The following RIMS2 variants were observed in gnomAD, a reference collection of about 807,000 sequenced individuals.
RIMS2 encodes regulating synaptic membrane exocytosis 2.
In RIMS2, 59 loss-of-function variants were observed where a neutral mutation model predicts 174.4. The ratio of observed to expected loss-of-function variants is 0.34; its 90% CI spans 0.27 to 0.42. The LOEUF (loss-of-function observed/expected upper bound fraction) is 0.42. RIMS2 is among the 10% of genes least tolerant of loss of function. The pLI is 1.00. For synonymous variants in RIMS2, 606 were observed against 572.5 expected (o/e 1.06, Z -0.84); for missense variants, 1,620 against 1,666.3 (o/e 0.97, Z 0.48).
At position 104,135,349 on chromosome 8, in the gene RIMS2, C is replaced by A. The variant is rs542799639; in HGVS notation, c.3335-109567C>A. On this transcript the variant is annotated intron_variant, in intron 19 of 23. Coordinates refer to ENST00000504942, the Ensembl canonical transcript of RIMS2. ...TGGTGGTTCATGCCTGTAATCCCAG[C>A]ACTTTGGGAGGCCAAGGCAGGCAGA... Among the ~76,000 whole-genome samples the A allele has an allele frequency of 3.3e-5, 5 of 152,144 alleles. No homozygotes were observed. The East Asian group carries it at 9.7e-4, about 29-fold the overall frequency.
At chr8:104,145,478 C>T (rs1329729349) in intron 19 of RIMS2, among the ~76,000 whole-genome samples, 1 of 151,396 alleles carries the variant, frequency 6.6e-6, no homozygotes, top group Admixed American at 6.6e-5. Context: ...AATCAAGACT[C>T]CCAAAACTTT....
At chr8:103,752,419 G>A (rs2097905594) in intron 2 of RIMS2, among the ~76,000 whole-genome samples, 1 of 152,116 alleles carries the variant, frequency 6.6e-6, no homozygotes, top group Admixed American at 6.5e-5. Context: ...GCTTAGGATT[G>A]ACTTGGCGAT....
intron 1 of RIMS2, among the ~76,000 whole-genome samples, chr8:103,592,299 A>G (rs2094300788): frequency 6.6e-6 from 1 of 151,242 alleles, no homozygotes; most frequent in Non-Finnish European, 1.5e-5. Context: ...CACCAAGAGT[A>G]ATGATTCTAC....
intron 19 of RIMS2, among the ~76,000 whole-genome samples, chr8:104,194,650 A>G (rs192173967): frequency 3.5e-4 from 53 of 152,186 alleles, no homozygotes; most frequent in African/African-American, 1.3e-3. Flanking sequence ...GGTGTTCAAT[A>G]AATACTTGGT....
intron 14 of RIMS2, among the ~76,000 whole-genome samples, chr8:103,955,030 C>T (rs1045399358): frequency 5.9e-5 from 9 of 152,132 alleles, no homozygotes; most frequent in Admixed American, 4.6e-4. Flanking sequence ...GGCACATACA[C>T]CCTCCCAAGA....
chr8:103,715,422 T>G (rs1178770088), intron 2 of RIMS2, among the ~76,000 whole-genome samples: 3 of 152,136 alleles, frequency 2.0e-5, no homozygotes, highest in Non-Finnish European at 1.5e-5. Flanking sequence ...AAATGTGGGA[T>G]TTTAATATAG....
chr8:104,052,002 G>A (rs907714742), intron 19 of RIMS2, among the ~76,000 whole-genome samples: 2 of 152,042 alleles, frequency 1.3e-5, no homozygotes, highest in African/African-American at 4.8e-5. Context: ...CATTTTCTAT[G>A]CCTTCAGCAA....
rs546810585 is a variant in RIMS2 at position 103,584,743 on chromosome 8, A to T, written c.176+83681A>T. Among the ~76,000 whole-genome samples the T allele has an allele frequency of 7.9e-5, 12 of 152,320 alleles. No individual in the cohort carries two copies. In the East Asian group the frequency reaches 2.3e-3, roughly 29 times the overall value. ...AAACACATACAATGCATACACAAAAAATAAAAAGCAAGAAACTAAATCATA... is the reference window on the plus strand; with the variant it reads ...AAACACATACAATGCATACACAAAATATAAAAAGCAAGAAACTAAATCATA... On this transcript the variant is annotated intron_variant, in intron 1 of 23. Coordinates refer to ENST00000504942, the Ensembl canonical transcript of RIMS2.
chr8:103,523,030 T>A (rs892557870), intron 1 of RIMS2, among the ~76,000 whole-genome samples: 1 of 152,060 alleles, frequency 6.6e-6, no homozygotes, highest in Non-Finnish European at 1.5e-5. Context: ...AAAACTGACC[T>A]TGAATGTAAA....
chr8:103,780,236 C>T (rs1437867750), intron 3 of RIMS2, among the ~76,000 whole-genome samples: 2 of 152,030 alleles, frequency 1.3e-5, no homozygotes, highest in Non-Finnish European at 2.9e-5. Flanking sequence ...TTATTTGGGT[C>T]GAATCTCTTT....
chr8:104,063,905 A>ATT (rs1053976752), intron 19 of RIMS2, among the ~76,000 whole-genome samples: 4 of 151,992 alleles, frequency 2.6e-5, no homozygotes, highest in African/African-American at 9.7e-5. Flanking sequence ...TTGTGTCAGG[A>ATT]GTGTGTGTGT....
chr8:103,922,654 A>G (rs1026130868), intron 10 of RIMS2: 8 of 402,774 alleles, frequency 2.0e-5, no homozygotes, highest in African/African-American at 1.7e-4. Context: ...TACAGTTAAA[A>G]ACTAAATTAT....
chr8:103,921,753 A>T (rs769771357), exon 10 of RIMS2: 4 of 1,517,788 alleles, frequency 2.6e-6, no homozygotes. Context: ...ATGTTGAGGG[A>T]TGTCCCACAG....
At chr8:103,807,234 A>T (rs890942219) in intron 3 of RIMS2, among the ~76,000 whole-genome samples, 1 of 152,166 alleles carries the variant, frequency 6.6e-6, no homozygotes, top group African/African-American at 2.4e-5. Flanking sequence ...TGACACTGTG[A>T]AAGAAAATCA....
intron 1 of RIMS2, among the ~76,000 whole-genome samples, chr8:103,533,681 AAG>A (rs1838435665): frequency 6.7e-6 from 1 of 150,284 alleles, no homozygotes; most frequent in African/African-American, 2.4e-5. Flanking sequence ...AAAAAAAAAA[AAG>A]AAAAAGAAAA....
chr8:103,800,812 T>G (rs1389193508), intron 3 of RIMS2, among the ~76,000 whole-genome samples: 2 of 152,172 alleles, frequency 1.3e-5, no homozygotes. Flanking sequence ...ACATCATTGA[T>G]TTAATCAGGG....
chr8:103,856,017 G>T (rs2099025702), intron 3 of RIMS2, among the ~76,000 whole-genome samples: 1 of 152,162 alleles, frequency 6.6e-6, no homozygotes. Context: ...AGAAGAACTT[G>T]TTTTATGAAT....
chr8:104,144,982 C>G (rs79611727), intron 19 of RIMS2, among the ~76,000 whole-genome samples: 6,373 of 152,238 alleles, frequency 0.042, 304 homozygotes, highest in East Asian at 0.15. Flanking sequence ...CCCCATCCCC[C>G]ACCATCAAGA....
chr8:104,133,263 T>C (rs1038165709), intron 19 of RIMS2, among the ~76,000 whole-genome samples: 1 of 152,106 alleles, frequency 6.6e-6, no homozygotes, highest in African/African-American at 2.4e-5. Context: ...GCTAAAGAGT[T>C]GTTTACAAAG....
Sources: gnomAD v4.1 joint callset for allele counts (sites outside exome capture counted in the v4.1 genomes callset) on GRCh38, gnomAD v4.1.1 for gene constraint, MANE v1.5 for transcripts, NCBI Gene and HGNC (gene_info 2026-07-23, HGNC 2026-07-21) for gene names.